The following CD163L1 variants were observed in gnomAD, a reference collection of about 807,000 sequenced individuals.
CD163L1 encodes CD163 molecule like 1.
CD163L1 carries 124 observed loss-of-function variants against 165.4 expected under a neutral mutation model. The ratio of observed to expected loss-of-function variants is 0.75; its 90% CI spans 0.65 to 0.87. CD163L1 has a LOEUF of 0.87. Ranked by LOEUF, CD163L1 falls within the 40% of genes least tolerant of loss-of-function variation. The probability of loss-of-function intolerance (pLI) is 0.00; values close to 1 mark genes in which losing one functional copy is unlikely to be tolerated. For missense variants in CD163L1, 1,525 were observed against 1,799.9 expected (o/e 0.85, Z 2.76); for synonymous variants, 585 against 662.2 (o/e 0.88, Z 1.79).
At chr12:7,377,551 A>T (rs1222444837) in intron 9 of CD163L1, among the ~76,000 whole-genome samples, 1 of 152,156 alleles carries the variant, frequency 6.6e-6, no homozygotes, top group African/African-American at 2.4e-5. Context: ...TTATCCCAAC[A>T]TCTTTACCTC....
At chr12:7,345,702 A>G (rs1212153612), downstream of CD163L1, among the ~76,000 whole-genome samples, 8 of 152,238 alleles carry the variant, frequency 5.3e-5, no homozygotes, top group East Asian at 1.9e-4. Context: ...TGTTGCTACA[A>G]TGAAATACAG....
At chr12:7,436,233 G>A (rs1446047905) in intron 2 of CD163L1, among the ~76,000 whole-genome samples, 1 of 152,076 alleles carries the variant, frequency 6.6e-6, no homozygotes, top group Admixed American at 6.5e-5. Flanking sequence ...TTGTATATAT[G>A]TTATAAAATG....
At chr12:7,428,864 GAAAT>G (rs1948586635) in intron 4 of CD163L1, among the ~76,000 whole-genome samples, 1 of 152,018 alleles carries the variant, frequency 6.6e-6, no homozygotes, top group South Asian at 2.1e-4. Flanking sequence ...GTAGCTGGAA[GAAAT>G]AAATAAATTA....
Position 7,369,683 on chromosome 12 carries a change from A to G in CD163L1, c.3731-18T>C. The G allele has an allele frequency of 6.3e-7, 1 of 1,597,982 alleles. No individual in the cohort carries two copies. Among genetic ancestry groups the G allele is most frequent in the Non-Finnish European group, 8.6e-7 (1 of 1,168,036 alleles). On this transcript the variant is annotated intron_variant, in intron 14 of 19. Transcript: ENST00000313599. The surrounding 1 kb of genome is among the most constrained non-coding windows in gnomAD (Gnocchi z 4.9). The stretch of plus-strand genomic sequence containing the variant: ...TATTCTATCTACAAAGGCACAAAAC[A>G]TGGCTGTCTTTACTCCTGAAGGAGG...
In CD163L1 at chr12:7,368,879, C is replaced by T. The variant is rs1398150748; in HGVS notation, c.4072+54G>A. The T allele has an allele frequency of 6.3e-7, 1 of 1,593,140 alleles. No homozygotes were observed. The highest frequency in any genetic ancestry group is 1.7e-5 in the Admixed American group (1 of 59,926). ...CATAGCAGTTTCTGCCCTCCCTTGACCTTCCATGTAGCCTTAGGTATTTGT... is the reference window on the plus strand; with the variant it reads ...CATAGCAGTTTCTGCCCTCCCTTGATCTTCCATGTAGCCTTAGGTATTTGT... On this transcript the variant is annotated intron_variant, in intron 16 of 19. Coordinates refer to ENST00000313599, the MANE Select transcript of CD163L1 (RefSeq NM_174941.6). This position sits in a 1 kb window ranked among gnomAD's most constrained non-coding sequence, Gnocchi z 4.3.
rs1947162067 is a variant in CD163L1 at position 7,372,319 on chromosome 12, T to C, written c.3730+1001A>G. On this transcript the variant is annotated intron_variant, in intron 14 of 19. Transcript: ENST00000313599. This position sits in a 1 kb window ranked among gnomAD's most constrained non-coding sequence, Gnocchi z 4.2. ...TCTGCTGGAGCAATTAACTACTACA[T>C]ATAAAGAATCATAAAAATGTTCACT... Among the ~76,000 whole-genome samples, 1 of 152,018 alleles carries C rather than the reference T, an allele frequency of 6.6e-6. No homozygotes were observed. Among genetic ancestry groups the C allele is most frequent in the African/African-American group, 2.4e-5 (1 of 41,426 alleles).
the CD163L1 span, among the ~76,000 whole-genome samples, chr12:7,330,238 A>G: frequency 6.6e-6 from 1 of 152,232 alleles, no homozygotes; most frequent in African/African-American, 2.4e-5. Context: ...ACTAGCTAGG[A>G]GGCTAAAAAT....
chr12:7,399,523 TTCTTTC>T (rs1317338609), intron 6 of CD163L1, among the ~76,000 whole-genome samples: 1 of 15,672 alleles, frequency 6.4e-5, no homozygotes, highest in African/African-American at 2.4e-4. Context: ...CTCCCTCTCT[TTCTTTC>T]TCTTTCTTTC....
chr12:7,355,925 T>C (rs1269491019), intron 19 of CD163L1, among the ~76,000 whole-genome samples: 2 of 152,144 alleles, frequency 1.3e-5, no homozygotes, highest in Admixed American at 6.5e-5. Flanking sequence ...ATTTCCATTG[T>C]TTAAGCTGCC....
At chr12:7,383,421 C>A (rs532841619) in intron 8 of CD163L1, among the ~76,000 whole-genome samples, 1 of 152,284 alleles carries the variant, frequency 6.6e-6, no homozygotes, top group South Asian at 2.1e-4. Flanking sequence ...AGTCATGTTA[C>A]CTAGGGGCCT....
chr12:7,324,533 C>T, the CD163L1 span: 1 of 1,613,956 alleles, frequency 6.2e-7, no homozygotes, highest in Non-Finnish European at 8.5e-7. Flanking sequence ...GGAGAGTGCA[C>T]TCATTGAGCA....
At chr12:7,361,825 T>G (rs1433991467) in intron 18 of CD163L1, among the ~76,000 whole-genome samples, 1 of 152,106 alleles carries the variant, frequency 6.6e-6, no homozygotes, top group Non-Finnish European at 1.5e-5. Flanking sequence ...ACATTCAGTT[T>G]TTTGTGCAAC....
Position 7,411,356 on chromosome 12 carries a change from T to G in CD163L1, c.767-4504A>C, listed in dbSNP as rs759664435. Among the ~76,000 whole-genome samples the G allele has an allele frequency of 1.7e-4, 26 of 152,328 alleles. No homozygotes were observed. In the South Asian group the frequency reaches 4.6e-3, roughly 27 times the overall value. ...CCATTATTATTCCCCTGATATGGTTTGGATGTTTTGTCCCCTCCGAATCTG... is the reference window on the plus strand; with the variant it reads ...CCATTATTATTCCCCTGATATGGTTGGGATGTTTTGTCCCCTCCGAATCTG... On this transcript the variant is annotated intron_variant, in intron 4 of 19. Transcript: ENST00000313599.
chr12:7,380,588 A>G (rs1163278531), intron 8 of CD163L1, among the ~76,000 whole-genome samples: 1 of 152,108 alleles, frequency 6.6e-6, no homozygotes, highest in Non-Finnish European at 1.5e-5. Context: ...ATGACGATGC[A>G]AAGACATAAG....
chr12:7,439,729 T>C (rs1948788024), intron 2 of CD163L1: 2 of 1,611,278 alleles, frequency 1.2e-6, no homozygotes, highest in African/African-American at 1.3e-5. Flanking sequence ...CCAGGTATCG[T>C]CATCCGATGT....
chr12:7,360,314 TG>T (rs1037908251), intron 18 of CD163L1, among the ~76,000 whole-genome samples: 4 of 152,080 alleles, frequency 2.6e-5, no homozygotes, highest in African/African-American at 9.7e-5. Context: ...ATCTAATTTT[TG>T]TATTTTTAGT....
the CD163L1 span, chr12:7,322,645 AGAGTT>A: frequency 7.0e-7 from 1 of 1,427,074 alleles, no homozygotes; most frequent in Non-Finnish European, 9.3e-7. Context: ...AAATTTTTAT[AGAGTT>A]TCCCGGGATA....
chr12:7,322,540 TGGTATATCTAAAG>T, the CD163L1 span: 2 of 1,612,924 alleles, frequency 1.2e-6, no homozygotes, highest in Non-Finnish European at 1.7e-6. Context: ...CAGACGGAAG[TGGTATATCTAAAG>T]GGCATTTATG....
the CD163L1 span, among the ~76,000 whole-genome samples, chr12:7,325,148 G>T: frequency 2.0e-5 from 3 of 152,256 alleles, no homozygotes; most frequent in Non-Finnish European, 2.9e-5. Context: ...GGTACATGCT[G>T]ATCGGTCAGA....
Sources: gnomAD v4.1 joint callset for allele counts (sites outside exome capture counted in the v4.1 genomes callset) on GRCh38, gnomAD v4.1.1 for gene constraint, Gnocchi (gnomAD v3.1) non-coding constraint, MANE v1.5 for transcripts, NCBI Gene and HGNC (gene_info 2026-07-23, HGNC 2026-07-21) for gene names.